The following PTPRQ variants were observed in gnomAD, a reference collection of about 807,000 sequenced individuals.
PTPRQ encodes phosphatidylinositol phosphatase PTPRQ.
Under a neutral mutation model 246.0 loss-of-function variants are expected in PTPRQ, and 199 were observed. The ratio of observed to expected loss-of-function variants is 0.81; its 90% CI spans 0.72 to 0.91. The LOEUF is 0.91. PTPRQ is among the 40% of genes least tolerant of loss of function. PTPRQ has a pLI of 0.00. For missense variants in PTPRQ, 2,624 were observed against 2,528.4 expected (o/e 1.04, Z -0.81); for synonymous variants, 869 against 853.2 (o/e 1.02, Z -0.32).
chr12:80,484,840 T>C (rs968100802), intron 9 of PTPRQ, among the ~76,000 whole-genome samples: 5 of 152,160 alleles, frequency 3.3e-5, no homozygotes, highest in African/African-American at 1.2e-4. Flanking sequence ...AATTGTGCAA[T>C]TAAACAGGAC....
intron 17 of PTPRQ, among the ~76,000 whole-genome samples, chr12:80,514,556 TAA>T (rs1340332390): frequency 1.0e-4 from 15 of 143,820 alleles, no homozygotes; most frequent in African/African-American, 3.8e-4. Flanking sequence ...TATATATATA[TAA>T]ATATATATTA....
intron 26 of PTPRQ, among the ~76,000 whole-genome samples, chr12:80,603,009 A>G (rs1898193968): frequency 6.6e-6 from 1 of 151,680 alleles, no homozygotes; most frequent in Non-Finnish European, 1.5e-5. Flanking sequence ...CAAATTTGTC[A>G]TCTCCTACCA....
chr12:80,534,499 A>G (rs1428031753), intron 18 of PTPRQ, among the ~76,000 whole-genome samples: 1 of 152,070 alleles, frequency 6.6e-6, no homozygotes, highest in Non-Finnish European at 1.5e-5. Flanking sequence ...TTATTAAACG[A>G]AACAACATAA....
At chr12:80,461,021 T>C (rs1206837674) in intron 6 of PTPRQ, 119 bp downstream of exon 6, 1 of 389,344 alleles carries the variant, frequency 2.6e-6, no homozygotes, top group Non-Finnish European at 4.5e-6. Context: ...CCTAATAATA[T>C]ACCATAGGCA....
chr12:80,538,913 C>T (rs2120827790), intron 19 of PTPRQ, among the ~76,000 whole-genome samples: 1 of 152,098 alleles, frequency 6.6e-6, no homozygotes, highest in Admixed American at 6.5e-5. Flanking sequence ...AATGATTTAT[C>T]CAGGATACCC....
chr12:80,456,517 T>C (rs930912513), intron 3 of PTPRQ, among the ~76,000 whole-genome samples: 1 of 152,278 alleles, frequency 6.6e-6, no homozygotes, highest in East Asian at 1.9e-4. Context: ...TAATTAAAAA[T>C]TTTTAATGTG....
intron 30 of PTPRQ, among the ~76,000 whole-genome samples, chr12:80,618,550 T>G (rs564639632): frequency 6.6e-6 from 1 of 151,734 alleles, no homozygotes; most frequent in South Asian, 2.1e-4. Flanking sequence ...TACATATATC[T>G]TTTGTTCTAG....
intron 27 of PTPRQ, among the ~76,000 whole-genome samples, chr12:80,610,091 G>A (rs1462606007): frequency 6.6e-6 from 1 of 150,384 alleles, no homozygotes; most frequent in Non-Finnish European, 1.5e-5. Context: ...TGGGATTTGA[G>A]GCCTGTGTGA....
chr12:80,609,757 G>T (rs148051392), intron 27 of PTPRQ, among the ~76,000 whole-genome samples: 53 of 150,532 alleles, frequency 3.5e-4, no homozygotes, highest in African/African-American at 1.3e-3. Context: ...TAAATGAGGT[G>T]GAATAAAGTT....
At chr12:80,525,676 C>G (rs759907048) in intron 17 of PTPRQ, among the ~76,000 whole-genome samples, 1 of 151,894 alleles carries the variant, frequency 6.6e-6, no homozygotes, top group Non-Finnish European at 1.5e-5. Context: ...CTCTCTCTCT[C>G]TCTCTGTCTC....
intron 35 of PTPRQ, among the ~76,000 whole-genome samples, chr12:80,638,907 C>T (rs1458878851): frequency 1.3e-5 from 2 of 152,100 alleles, no homozygotes; most frequent in South Asian, 2.1e-4. Flanking sequence ...GAATATGTAA[C>T]ATTTTGGGCT....
rs1276598558 is a variant in PTPRQ, at chr12:80,541,714, C to T, written c.3314C>T (p.Thr1105Ile). The change falls in exon 21 of 45, where the codon ACA becomes ATA. Residue 1105 changes from threonine to isoleucine, a missense_variant. By Grantham distance (89) the Thr-to-Ile change is moderately conservative (BLOSUM62 -1). Transcript: ENST00000644991. Reference protein sequence around the residue: ...TPRHVRPPLVTYERSIYFDNL... With the variant: ...TPRHVRPPLVIYERSIYFDNL... ...CGCCATGTGAGACCACCTCTTGTTA[C>T]ATATGAGAGAAGCATATATTTTGAT... is the stretch of plus-strand genomic sequence containing the variant. 2 of 1,551,294 alleles carry T rather than the reference C, an allele frequency of 1.3e-6. No individual in the cohort carries two copies. Among genetic ancestry groups the T allele is most frequent in the South Asian group, 2.4e-5 (2 of 84,042 alleles).
intron 25 of PTPRQ, among the ~76,000 whole-genome samples, chr12:80,573,805 T>G (rs1224455173): frequency 2.0e-5 from 3 of 152,212 alleles, no homozygotes; most frequent in Admixed American, 6.5e-5. Context: ...ACTTTTATAT[T>G]AATTAATGTT....
At chr12:80,593,213 A>T (rs905185509) in intron 26 of PTPRQ, among the ~76,000 whole-genome samples, 28 of 152,188 alleles carry the variant, frequency 1.8e-4, no homozygotes, top group Non-Finnish European at 3.5e-4. Context: ...GATCTTCTCT[A>T]TAAAGAGTTA....
At chr12:80,569,129 C>CTTTTTTTTT (rs778431539) in intron 25 of PTPRQ, among the ~76,000 whole-genome samples, 8 of 97,544 alleles carry the variant, frequency 8.2e-5, no homozygotes, top group Non-Finnish European at 1.3e-4. Context: ...GGATACAATT[C>CTTTTTTTTT]TTTTTTTTTT....
At chr12:80,452,783 C>G (rs1301564004) in intron 3 of PTPRQ, among the ~76,000 whole-genome samples, 1 of 152,202 alleles carries the variant, frequency 6.6e-6, no homozygotes, top group African/African-American at 2.4e-5. Flanking sequence ...ACCTTTCTCT[C>G]TGGCTGCCCT....
chr12:80,577,946 C>G (rs1023868595), intron 25 of PTPRQ, among the ~76,000 whole-genome samples: 1 of 152,088 alleles, frequency 6.6e-6, no homozygotes, highest in African/African-American at 2.4e-5. Flanking sequence ...GAGAGTTGCA[C>G]ATGAACGGTA....
chr12:80,578,850 TTATC>T (rs1182905242), intron 25 of PTPRQ, among the ~76,000 whole-genome samples: 1 of 152,226 alleles, frequency 6.6e-6, no homozygotes, highest in Non-Finnish European at 1.5e-5. Context: ...TTCATTTAAT[TTATC>T]TTTATTTGCG....
intron 39 of PTPRQ, among the ~76,000 whole-genome samples, chr12:80,663,888 G>T (rs1483585511): frequency 3.3e-5 from 5 of 151,732 alleles, no homozygotes; most frequent in Admixed American, 2.0e-4. Context: ...ACCCTGCTCT[G>T]CCCTACAGCT....
Sources: allele counts gnomAD v4.1 joint callset (sites outside exome capture counted in the v4.1 genomes callset), GRCh38; gene constraint gnomAD v4.1.1; transcripts MANE v1.5; gene names NCBI Gene and HGNC (gene_info 2026-07-23, HGNC 2026-07-21).